ARK2C: variants seen among roughly 807,000 people sequenced by gnomAD.
The protein encoded by ARK2C is E3 ubiquitin-protein ligase ARK2C.
the ARK2C span, among the ~76,000 whole-genome samples, chr18:46,432,267 A>G: frequency 1.2e-4 from 19 of 152,210 alleles, no homozygotes; most frequent in African/African-American, 4.6e-4. Flanking sequence ...CTAGAGCTCA[A>G]ATTGAATGTA....
chr18:46,380,472 G>T, the ARK2C span, among the ~76,000 whole-genome samples: 1 of 152,240 alleles, frequency 6.6e-6, no homozygotes, highest in Non-Finnish European at 1.5e-5. Flanking sequence ...GTTATGAGGG[G>T]CGCTTGCACA....
the ARK2C span, among the ~76,000 whole-genome samples, chr18:46,445,643 C>T: frequency 0.011 from 1,618 of 152,284 alleles, 25 homozygotes; most frequent in African/African-American, 0.036. Context: ...TCATTAAGAT[C>T]GTCATGCTCT....
the ARK2C span, chr18:46,336,286 T>C: frequency 1.0e-6 from 1 of 985,396 alleles, no homozygotes; most frequent in East Asian, 1.1e-4. Flanking sequence ...AATCTCTAAA[T>C]ACCATTGCAG....
chr18:46,364,727 C>A, the ARK2C span, among the ~76,000 whole-genome samples: 3 of 152,210 alleles, frequency 2.0e-5, no homozygotes, highest in Non-Finnish European at 4.4e-5. Flanking sequence ...CTCTGCCCAT[C>A]CGTGCTCACA....
At chr18:46,421,734 C>T in the ARK2C span, among the ~76,000 whole-genome samples, 47 of 152,246 alleles carry the variant, frequency 3.1e-4, no homozygotes, top group East Asian at 7.9e-3. Context: ...CCCTTTGCTG[C>T]TTGTTGGAAG....
chr18:46,366,747 A>G, the ARK2C span, among the ~76,000 whole-genome samples: 1 of 152,184 alleles, frequency 6.6e-6, no homozygotes, highest in Non-Finnish European at 1.5e-5. Flanking sequence ...CCTAGTCCTG[A>G]GATTATGTGC....
chr18:46,440,276 G>A, the ARK2C span, among the ~76,000 whole-genome samples: 1 of 128,116 alleles, frequency 7.8e-6, no homozygotes, highest in Admixed American at 7.7e-5. Context: ...GAGAGACTGA[G>A]AGAGAGAGAG....
chr18:46,445,366 G>T, the ARK2C span, among the ~76,000 whole-genome samples: 1 of 152,074 alleles, frequency 6.6e-6, no homozygotes, highest in Admixed American at 6.5e-5. Context: ...TATGACCAAG[G>T]ACTCTCTGCT....
the ARK2C span, among the ~76,000 whole-genome samples, chr18:46,369,419 G>T: frequency 1.3e-5 from 2 of 152,128 alleles, no homozygotes; most frequent in Admixed American, 1.3e-4. Flanking sequence ...GGGCAGGGAG[G>T]AAGCTGATTG....
the ARK2C span, chr18:46,336,439 G>T: frequency 1.0e-6 from 1 of 985,226 alleles, no homozygotes; most frequent in Non-Finnish European, 1.2e-6. Context: ...TACTTTCACG[G>T]CAAACATGCC....
At chr18:46,456,366 G>GCGCTTC in the ARK2C span, among the ~76,000 whole-genome samples, 21 of 152,180 alleles carry the variant, frequency 1.4e-4, no homozygotes, top group African/African-American at 1.9e-4. Flanking sequence ...TGATCTGAAA[G>GCGCTTC]CGCTTCCTGG....
chr18:46,436,276 ATG>A, the ARK2C span, among the ~76,000 whole-genome samples: 2 of 151,416 alleles, frequency 1.3e-5, no homozygotes, highest in African/African-American at 2.4e-5. Flanking sequence ...GTATATATGT[ATG>A]TGTGTGTGTG....
chr18:46,399,996 GC>G, the ARK2C span, among the ~76,000 whole-genome samples: 1 of 152,186 alleles, frequency 6.6e-6, no homozygotes, highest in Non-Finnish European at 1.5e-5. Context: ...GCAAGCTGGG[GC>G]CACACCCCAG....
chr18:46,357,937 C>T, the ARK2C span, among the ~76,000 whole-genome samples: 2 of 152,316 alleles, frequency 1.3e-5, no homozygotes, highest in East Asian at 3.9e-4. Flanking sequence ...GTCCTTGGGG[C>T]TCCCTGGCTT....
chr18:46,401,158 G>A, the ARK2C span, among the ~76,000 whole-genome samples: 39 of 152,086 alleles, frequency 2.6e-4, no homozygotes, highest in East Asian at 5.3e-3. Context: ...GGGTCCCCAG[G>A]GGCCTACTTG....
chr18:46,407,383 G>T, the ARK2C span, among the ~76,000 whole-genome samples: 6 of 152,136 alleles, frequency 3.9e-5, no homozygotes, highest in African/African-American at 1.2e-4. Flanking sequence ...TTTCTTGCTT[G>T]CTCACATGTT....
chr18:46,462,709 T>C, the ARK2C span: 3 of 152,538 alleles, frequency 2.0e-5, no homozygotes, highest in East Asian at 3.9e-4. Flanking sequence ...GGGCATGCCT[T>C]ATGCTGCTCT....
chr18:46,372,257 G>A, the ARK2C span, among the ~76,000 whole-genome samples: 2 of 148,790 alleles, frequency 1.3e-5, no homozygotes, highest in African/African-American at 4.9e-5. Flanking sequence ...ATTCTGGAGA[G>A]AGCCCAGTTT....
the ARK2C span, among the ~76,000 whole-genome samples, chr18:46,367,537 G>A: frequency 6.6e-6 from 1 of 152,158 alleles, no homozygotes. Context: ...TGAATAATAG[G>A]TGGGTCTATT....
Sources: allele counts gnomAD v4.1 joint callset (sites outside exome capture counted in the v4.1 genomes callset), GRCh38; gene constraint gnomAD v4.1.1; transcripts MANE v1.5; gene names NCBI Gene and HGNC (gene_info 2026-07-23, HGNC 2026-07-21).